The following NANOG variants were observed in gnomAD, a reference collection of about 807,000 sequenced individuals.
NANOG encodes the protein homeobox protein NANOG.
In NANOG, 2 loss-of-function variants were observed where a neutral mutation model predicts 17.7. That is an observed-to-expected ratio of 0.11 (90% CI 0.05 to 0.36). The LOEUF (loss-of-function observed/expected upper bound fraction) is 0.36. NANOG is among the 10% of genes least tolerant of loss of function. The probability of loss-of-function intolerance (pLI) is 1.00; values close to 1 mark genes in which losing one functional copy is unlikely to be tolerated. For missense variants in NANOG, 174 were observed against 362.1 expected, an observed-to-expected ratio of 0.48 and a Z score of 4.22; for synonymous variants, 81 against 124.7, an observed-to-expected ratio of 0.65 and a Z score of 2.33.
At chr12:7,791,995 A>G (rs1369633053) in intron 1 of NANOG, among the ~76,000 whole-genome samples, 1 of 152,166 alleles carries the variant, frequency 6.6e-6, no homozygotes. Flanking sequence ...CCTGGGTTCA[A>G]GTGATTCTCC....
intron 1 of NANOG, among the ~76,000 whole-genome samples, chr12:7,792,227 T>C (rs946576677): frequency 2.0e-5 from 3 of 152,184 alleles, no homozygotes; most frequent in African/African-American, 7.2e-5. Flanking sequence ...CCCAGAATCA[T>C]GGCATTTAAG....
chr12:7,793,319 C>A, intron 2 of NANOG, 107 bp downstream of exon 2: 1 of 1,031,410 alleles, frequency 9.7e-7, no homozygotes, highest in Non-Finnish European at 1.4e-6. Flanking sequence ...GTCCGTACAT[C>A]GCCTCTTGCA....
rs935731991 is a variant in NANOG, at chr12:7,796,548, G to A, written c.*1453G>A. On this transcript the variant is annotated 3_prime_UTR_variant, in exon 4 of 4. Transcript: ENST00000229307. ...ATGTTCTCACCTTAAGAGCAGCTAC[G>A]CAGGCATCTGTGAATTATACTAATA... 1 of 152,138 alleles carries A rather than the reference G, an allele frequency of 6.6e-6. No homozygotes were observed. Among genetic ancestry groups the A allele is most frequent in the African/African-American group, 2.4e-5 (1 of 41,446 alleles). The allele number at this position is 152,138 out of a possible 1,614,324, so 9.4% of individuals were successfully genotyped here. A position where few individuals can be genotyped will look rare whatever the true frequency, so the allele number is the denominator to read the frequency against.
In NANOG at chr12:7,793,277, T is replaced by C; in HGVS notation, c.414+65T>C. The C allele has an allele frequency of 2.7e-6, 4 of 1,471,004 alleles. No individual in the cohort carries two copies. In the South Asian group the frequency reaches 4.8e-5, roughly 18 times the overall value. 91.1% of individuals were successfully genotyped at this position (1,471,004 alleles called of 1,614,324 possible). On this transcript the variant is annotated intron_variant, in intron 2 of 3. Transcript: ENST00000229307. ...TGGACTAATTTGCATGGCTAAGACCTCTGTGGATGCATGTAGATGTGTGTA... is the reference window on the plus strand; with the variant it reads ...TGGACTAATTTGCATGGCTAAGACCCCTGTGGATGCATGTAGATGTGTGTA...
chr12:7,792,189 C>T (rs1447828540), intron 1 of NANOG, among the ~76,000 whole-genome samples: 3 of 152,208 alleles, frequency 2.0e-5, no homozygotes, highest in Non-Finnish European at 4.4e-5. Flanking sequence ...GCCATCCCAC[C>T]TAGCTGAGGT....
At chr12:7,791,005 A>G (rs1894825) in intron 1 of NANOG, among the ~76,000 whole-genome samples, 75,172 of 151,824 alleles carry the variant, frequency 0.5, 20,143 homozygotes, top group Non-Finnish European at 0.59. Flanking sequence ...TCAGCTTCCC[A>G]AGTCGCTGGG....
chr12:7,789,746 G>T lies in NANOG; in HGVS notation c.132G>T (p.Glu44Asp). Residue 44 changes from glutamate (E) to aspartate (D), a missense_variant, in exon 1 of 4, where the codon GAG becomes GAT. This residue lies in a region of NANOG where 158 missense variants were observed against 244.2 expected (regional missense o/e 0.65). Transcript: ENST00000229307. ...NYPSLQMSSAEMPHTETVSPL... is the reference protein window; with the variant it reads ...NYPSLQMSSADMPHTETVSPL... ...CATCCTTGCAAATGTCTTCTGCTGA[G>T]ATGCCTCACACGGAGACTGGTAAGA... The T allele has an allele frequency of 1.2e-6, 2 of 1,613,904 alleles. No individual in the cohort carries two copies. The highest frequency in any genetic ancestry group is 1.7e-6 in the Non-Finnish European group (2 of 1,180,022).
intron 1 of NANOG, among the ~76,000 whole-genome samples, chr12:7,790,260 C>G (rs1252140593): frequency 2.0e-5 from 3 of 152,192 alleles, no homozygotes; most frequent in Admixed American, 6.5e-5. Flanking sequence ...GTAATTCTTT[C>G]TATGTCAGTA....
At chr12:7,790,469 G>GCT (rs1186073158) in intron 1 of NANOG, among the ~76,000 whole-genome samples, 2 of 152,112 alleles carry the variant, frequency 1.3e-5, no homozygotes, top group African/African-American at 4.8e-5. Context: ...CAAAACCTGT[G>GCT]CTAGTACTCA....
At chr12:7,793,577 C>T (rs1862874594) in intron 2 of NANOG, among the ~76,000 whole-genome samples, 1 of 152,066 alleles carries the variant, frequency 6.6e-6, no homozygotes, top group Non-Finnish European at 1.5e-5. Flanking sequence ...TTTCTTTCTG[C>T]CAGCAACTCC....
At chr12:7,790,804 G>T (rs1229816836) in intron 1 of NANOG, among the ~76,000 whole-genome samples, 1 of 152,108 alleles carries the variant, frequency 6.6e-6, no homozygotes, top group East Asian at 1.9e-4. Context: ...GGAGTGCAAT[G>T]GTGTGATCAT....
rs759889146 is a variant in NANOG at position 7,795,652 on chromosome 12, C to G, written c.*557C>G. On this transcript the variant is annotated 3_prime_UTR_variant, in exon 4 of 4. Coordinates refer to ENST00000229307, the MANE Select transcript of NANOG (RefSeq NM_024865.4). ...AAGACATTTTAATAACCTTGGCTGC[C>G]GTCTCTGGCTATAGATAAGTAGATC... The G allele has an allele frequency of 1.7e-5, 2 of 114,656 alleles. No homozygotes were observed. Among genetic ancestry groups the G allele is most frequent in the African/African-American group, 5.6e-5 (2 of 35,948 alleles). 7.1% of individuals were successfully genotyped at this position (114,656 alleles called of 1,614,324 possible).
At chr12:7,791,134 G>A (rs1419897947) in intron 1 of NANOG, among the ~76,000 whole-genome samples, 1 of 150,366 alleles carries the variant, frequency 6.7e-6, no homozygotes, top group Non-Finnish European at 1.5e-5. Flanking sequence ...TTTGAGACAG[G>A]GTCTCATTCT....
Position 7,793,047 on chromosome 12 carries a change from T to G in NANOG, c.249T>G (p.Ser83Arg). ...KGKQPTSAEKSVAKKEDKVPV... is the reference protein window; with the variant it reads ...KGKQPTSAEKRVAKKEDKVPV... ...AACAACCCACTTCTGCAGAGAAGAG[T>G]GTCGCAAAAAAGGAAGACAAGGTCC... Residue 83 changes from serine (S) to arginine (R), a missense_variant, in exon 2 of 4, where the codon AGT (serine) becomes AGG (arginine). Physicochemically the swap from Ser to Arg is moderately radical, Grantham distance 110. Around this residue, in one of 2 missense-constraint regions of NANOG, gnomAD observed 158 missense variants for 244.2 expected, o/e 0.65. Coordinates refer to ENST00000229307, the MANE Select transcript of NANOG (RefSeq NM_024865.4). The G allele has an allele frequency of 6.2e-7, 1 of 1,608,990 alleles. No individual in the cohort carries two copies. Among genetic ancestry groups the G allele is most frequent in the Admixed American group, 1.7e-5 (1 of 59,878 alleles).
intron 1 of NANOG, among the ~76,000 whole-genome samples, chr12:7,791,997 T>A (rs12424193): frequency 0.49 from 75,257 of 152,060 alleles, 20,159 homozygotes; most frequent in Non-Finnish European, 0.59. Context: ...TGGGTTCAAG[T>A]GATTCTCCTG....
At chr12:7,791,844 G>A (rs751326189) in intron 1 of NANOG, among the ~76,000 whole-genome samples, 4 of 152,166 alleles carry the variant, frequency 2.6e-5, no homozygotes, top group African/African-American at 9.7e-5. Flanking sequence ...AAGCTTATCC[G>A]GATTCACATA....
At chr12:7,790,165 G>A (rs957297628) in intron 1 of NANOG, among the ~76,000 whole-genome samples, 23 of 142,254 alleles carry the variant, frequency 1.6e-4, no homozygotes, top group African/African-American at 5.1e-4. Context: ...AAGACCTAAC[G>A]TCATAGCTCA....
At chr12:7,790,385 A>G (rs1862823222) in intron 1 of NANOG, among the ~76,000 whole-genome samples, 1 of 152,194 alleles carries the variant, frequency 6.6e-6, no homozygotes, top group Non-Finnish European at 1.5e-5. Flanking sequence ...ACCCAACTTT[A>G]TGGTAAAGAT....
At position 7,795,270 on chromosome 12, in the gene NANOG, C is replaced by T. The variant is rs1457316303; in HGVS notation, c.*175C>T. The stretch of plus-strand genomic sequence containing the variant: ...TGGAGTATGGTTGGAGCCTAATCAG[C>T]GAGGTTTCTTTTTTTTTTTTTTTCC... On this transcript the variant is annotated 3_prime_UTR_variant, in exon 4 of 4. Transcript: ENST00000229307. The T allele has an allele frequency of 1.4e-3, 744 of 533,560 alleles. 1 individual carries two copies. The Admixed American group carries it at 0.022, about 16-fold the overall frequency. 33.1% of individuals were successfully genotyped at this position (533,560 alleles called of 1,614,324 possible).
Sources: gnomAD v4.1 joint callset for allele counts (sites outside exome capture counted in the v4.1 genomes callset) on GRCh38, gnomAD v4.1.1 for gene constraint, gnomAD v4.1.1 regional missense constraint, MANE v1.5 for transcripts, NCBI Gene and HGNC (gene_info 2026-07-23, HGNC 2026-07-21) for gene names.